Variants in SLC39A8 observed in about 807,000 individuals in gnomAD.
SLC39A8 encodes solute carrier family 39 member 8.
A neutral mutation model predicts 40.4 loss-of-function variants in SLC39A8; 15 were observed. That is an observed-to-expected ratio of 0.37 (90% CI 0.25 to 0.57). The LOEUF is 0.57. Ranked by LOEUF, SLC39A8 falls within the 20% of genes least tolerant of loss-of-function variation. SLC39A8 has a pLI of 0.75. For synonymous variants in SLC39A8, 223 were observed against 221.6 expected (o/e 1.01, Z -0.06); for missense variants, 472 against 558.8 (o/e 0.84, Z 1.57).
At chr4:102,260,178 C>T (rs1731808669), downstream of SLC39A8, among the ~76,000 whole-genome samples, 1 of 152,170 alleles carries the variant, frequency 6.6e-6, no homozygotes, top group Non-Finnish European at 1.5e-5. Context: ...AAGCAGTTCC[C>T]TAAACTGGCT....
At chr4:102,313,046 G>T (rs907842508) in intron 3 of SLC39A8, among the ~76,000 whole-genome samples, 10 of 152,100 alleles carry the variant, frequency 6.6e-5, no homozygotes, top group Non-Finnish European at 1.2e-4. Context: ...TGAACAATTA[G>T]CAATTCAAAA....
chr4:102,329,287 G>A (rs1195149406), intron 2 of SLC39A8, among the ~76,000 whole-genome samples: 1 of 152,082 alleles, frequency 6.6e-6, no homozygotes, highest in Non-Finnish European at 1.5e-5. Flanking sequence ...ACAATAATGG[G>A]AAGTCATGTG....
chr4:102,316,450 T>C (rs144125868), intron 2 of SLC39A8, among the ~76,000 whole-genome samples: 15 of 152,328 alleles, frequency 9.8e-5, no homozygotes, highest in African/African-American at 3.6e-4. Context: ...CTGGGCTGTT[T>C]AGAAATTCAT....
intron 2 of SLC39A8, among the ~76,000 whole-genome samples, chr4:102,343,169 C>CT (rs1174434481): frequency 6.6e-6 from 1 of 152,030 alleles, no homozygotes; most frequent in African/African-American, 2.4e-5. Flanking sequence ...ATAAGGGGAC[C>CT]ACAAAACCCT....
chr4:102,301,494 C>T (rs1733926887), intron 6 of SLC39A8, among the ~76,000 whole-genome samples: 1 of 150,444 alleles, frequency 6.6e-6, no homozygotes, highest in Non-Finnish European at 1.5e-5. Flanking sequence ...ATGATATTTT[C>T]TTGTTTTGCT....
intron 8 of SLC39A8, among the ~76,000 whole-genome samples, chr4:102,263,760 T>C (rs754383953): frequency 1.3e-5 from 2 of 152,218 alleles, no homozygotes; most frequent in African/African-American, 2.4e-5. Context: ...TTATGAACTA[T>C]GTTTATAGAA....
chr4:102,333,158 G>GA lies in SLC39A8; in HGVS notation c.219+11285_219+11286insT, dbSNP rs1560569608. On this transcript the variant is annotated intron_variant, in intron 2 of 8. Transcript: ENST00000356736. ...CTGCACATGTATCCCAGAACTTGAA[G>GA]TCTAATAAAATAATAAAATGTGTAT... is the stretch of plus-strand genomic sequence containing the variant. Among the ~76,000 whole-genome samples, 159 of 152,188 alleles carry GA rather than the reference G, an allele frequency of 1.0e-3. 3 individuals carry two copies. Among genetic ancestry groups the GA allele is most frequent in the African/African-American group, 3.7e-3 (153 of 41,496 alleles).
At chr4:102,344,340 A>G in intron 2 of SLC39A8, 104 bp downstream of exon 2, 1 of 769,232 alleles carries the variant, frequency 1.3e-6, no homozygotes, top group Non-Finnish European at 2.0e-6. Flanking sequence ...AAATATAACA[A>G]GATTCTTTCT....
intron 6 of SLC39A8, among the ~76,000 whole-genome samples, chr4:102,294,088 A>G (rs11097772): frequency 0.31 from 46,531 of 151,760 alleles, 7,550 homozygotes; most frequent in East Asian, 0.41. Flanking sequence ...AATTAAACTT[A>G]AAATTTTTGA....
intron 11 of SLC39A8, among the ~76,000 whole-genome samples, chr4:102,254,466 C>T (rs1259476457): frequency 1.3e-5 from 2 of 152,094 alleles, no homozygotes; most frequent in Non-Finnish European, 2.9e-5. Flanking sequence ...CAAAAAGAGG[C>T]AAAGTTTGAA....
At chr4:102,341,832 C>T (rs1159704482) in intron 2 of SLC39A8, among the ~76,000 whole-genome samples, 1 of 152,144 alleles carries the variant, frequency 6.6e-6, no homozygotes, top group East Asian at 1.9e-4. Flanking sequence ...GAAAAGCTGA[C>T]CTAATAAATA....
chr4:102,341,520 T>C (rs917188668), intron 2 of SLC39A8, among the ~76,000 whole-genome samples: 1 of 152,196 alleles, frequency 6.6e-6, no homozygotes, highest in Non-Finnish European at 1.5e-5. Context: ...GGAACTCCCC[T>C]CAATAGATCA....
chr4:102,299,927 C>T (rs1479904744), intron 6 of SLC39A8, among the ~76,000 whole-genome samples: 1 of 151,996 alleles, frequency 6.6e-6, no homozygotes, highest in Admixed American at 6.6e-5. Context: ...GGGAGCCCCA[C>T]CCGGCTGCAG....
At chr4:102,270,981 G>T (rs925457246) in intron 6 of SLC39A8, among the ~76,000 whole-genome samples, 1 of 152,042 alleles carries the variant, frequency 6.6e-6, no homozygotes, top group Admixed American at 6.6e-5. Flanking sequence ...TAGAGGATGA[G>T]GAGGCCTGGG....
intron 6 of SLC39A8, among the ~76,000 whole-genome samples, chr4:102,303,528 T>C (rs968960164): frequency 4.6e-5 from 7 of 151,838 alleles, no homozygotes. Flanking sequence ...ATCCCACTTA[T>C]GGAAAAGATA....
intron 4 of SLC39A8, 133 bp from the exon 5 acceptor site, chr4:102,305,244 TG>T: frequency 1.0e-6 from 1 of 964,250 alleles, no homozygotes; most frequent in East Asian, 3.0e-5. Context: ...GAAACTTAGC[TG>T]CCAAAAATCA....
At chr4:102,308,308 A>C (rs369418626) in intron 3 of SLC39A8, among the ~76,000 whole-genome samples, 46 of 152,200 alleles carry the variant, frequency 3.0e-4, no homozygotes, top group African/African-American at 1.1e-3. Flanking sequence ...TTAGGCAAAA[A>C]TATTCCATAC....
intron 6 of SLC39A8, among the ~76,000 whole-genome samples, chr4:102,270,868 A>G (rs1323359005): frequency 6.6e-6 from 1 of 152,180 alleles, no homozygotes; most frequent in Non-Finnish European, 1.5e-5. Context: ...CATAAATTGG[A>G]GGGCAAAAAA....
intron 2 of SLC39A8, among the ~76,000 whole-genome samples, chr4:102,343,872 C>T (rs1736041056): frequency 6.6e-6 from 1 of 152,114 alleles, no homozygotes; most frequent in South Asian, 2.1e-4. Context: ...ACAATATAAG[C>T]CTAGTCTACC....
Sources: gnomAD v4.1 joint callset for allele counts (sites outside exome capture counted in the v4.1 genomes callset) on GRCh38, gnomAD v4.1.1 for gene constraint, MANE v1.5 for transcripts, NCBI Gene and HGNC (gene_info 2026-07-23, HGNC 2026-07-21) for gene names.